NKAIN2: variants seen among roughly 807,000 people sequenced by gnomAD.
NKAIN2 encodes sodium/potassium transporting ATPase interacting 2.
In NKAIN2, 14 loss-of-function variants were observed where a neutral mutation model predicts 32.6. The ratio of observed to expected loss-of-function variants is 0.43; its 90% confidence interval spans 0.28 to 0.67. The LOEUF (loss-of-function observed/expected upper bound fraction) is 0.67. Ranked by LOEUF, NKAIN2 falls within the 30% of genes least tolerant of loss-of-function variation. NKAIN2 has a pLI of 0.17. For missense variants in NKAIN2, 198 were observed against 258.3 expected (o/e 0.77, Z 1.60); for synonymous variants, 80 against 87.2 (o/e 0.92, Z 0.46).
At chr6:124,516,331 A>G (rs1778912907) in intron 3 of NKAIN2, among the ~76,000 whole-genome samples, 1 of 152,172 alleles carries the variant, frequency 6.6e-6, no homozygotes, top group African/African-American at 2.4e-5. Flanking sequence ...AGAACATATC[A>G]ATTAGTATGT....
chr6:124,078,107 T>C (rs1783781943), intron 1 of NKAIN2, among the ~76,000 whole-genome samples: 1 of 152,198 alleles, frequency 6.6e-6, no homozygotes, highest in Middle Eastern at 3.2e-3. Context: ...GTTCATTTAT[T>C]GTCAGGTTTG....
intron 4 of NKAIN2, among the ~76,000 whole-genome samples, chr6:124,784,838 A>G (rs1227326431): frequency 6.6e-6 from 1 of 152,040 alleles, no homozygotes; most frequent in Admixed American, 6.6e-5. Flanking sequence ...GCTGTCCATA[A>G]ATGTTTCCCT....
At chr6:124,134,587 G>A (rs1324239806) in intron 1 of NKAIN2, among the ~76,000 whole-genome samples, 4 of 152,176 alleles carry the variant, frequency 2.6e-5, no homozygotes, top group African/African-American at 2.4e-5. Context: ...GGTAGGCTGA[G>A]GCAGAAGAGT....
At chr6:124,469,242 A>T (rs1378774351) in intron 3 of NKAIN2, among the ~76,000 whole-genome samples, 2 of 152,042 alleles carry the variant, frequency 1.3e-5, no homozygotes, top group Non-Finnish European at 1.5e-5. Context: ...TTTCTTTTTG[A>T]TGGAGCAGTG....
chr6:123,812,719 C>G (rs1452964435), intron 1 of NKAIN2, among the ~76,000 whole-genome samples: 1 of 152,200 alleles, frequency 6.6e-6, no homozygotes, highest in Non-Finnish European at 1.5e-5. Context: ...TCTCAGCCTA[C>G]ATATTTGCCT....
intron 1 of NKAIN2, among the ~76,000 whole-genome samples, chr6:123,962,573 A>G (rs1777894788): frequency 6.6e-6 from 1 of 152,124 alleles, no homozygotes; most frequent in Non-Finnish European, 1.5e-5. Flanking sequence ...CATCTCCTTC[A>G]TTAATGGCTG....
intron 3 of NKAIN2, among the ~76,000 whole-genome samples, chr6:124,607,330 G>A (rs1782538384): frequency 6.6e-6 from 1 of 152,078 alleles, no homozygotes; most frequent in African/African-American, 2.4e-5. Flanking sequence ...AACCAGAAGA[G>A]GTTCAGAGAG....
At chr6:123,814,448 G>A (rs929692628) in intron 1 of NKAIN2, among the ~76,000 whole-genome samples, 2 of 152,248 alleles carry the variant, frequency 1.3e-5, no homozygotes, top group East Asian at 1.9e-4. Flanking sequence ...GGCAAATAGG[G>A]TAAGTTCAGT....
chr6:124,500,265 G>A (rs1445076904), intron 3 of NKAIN2, among the ~76,000 whole-genome samples: 2 of 152,166 alleles, frequency 1.3e-5, no homozygotes, highest in South Asian at 2.1e-4. Context: ...AACTGTTAAT[G>A]TACTGACTTC....
At chr6:124,461,893 A>G (rs1321188237) in intron 3 of NKAIN2, among the ~76,000 whole-genome samples, 4 of 151,124 alleles carry the variant, frequency 2.6e-5, no homozygotes, top group African/African-American at 9.7e-5. Flanking sequence ...TTTTGTTTAG[A>G]TGCTGGTTTG....
intron 1 of NKAIN2, among the ~76,000 whole-genome samples, chr6:124,235,292 A>G (rs985467403): frequency 2.6e-5 from 4 of 152,164 alleles, no homozygotes; most frequent in Non-Finnish European, 5.9e-5. Context: ...TTACCTTCCA[A>G]AAGCTTTACA....
rs59361002 is a variant in NKAIN2, at chr6:124,406,013, G to GGTGTGTGTGTGT, written c.273+50677_273+50688dup. On this transcript the variant is annotated intron_variant, in intron 3 of 6. Coordinates refer to ENST00000368417, the MANE Select transcript of NKAIN2 (RefSeq NM_001040214.3). ...TACCCAATTCATTCATTACCACCACGGTGTGTGTGTGTGTGTGTGTGTAAT... is the reference window on the plus strand; with the variant it reads ...TACCCAATTCATTCATTACCACCACGGTGTGTGTGTGTGTGTGTGTGTGTGTGTGTGTGTAAT... Among the ~76,000 whole-genome samples, 1,439 of 148,530 alleles carry GGTGTGTGTGTGT rather than the reference G, an allele frequency of 9.7e-3. 23 individuals are homozygous for GGTGTGTGTGTGT. Among genetic ancestry groups the GGTGTGTGTGTGT allele is most frequent in the African/African-American group, 0.03 (1,194 of 40,318 alleles).
At chr6:124,376,451 G>A (rs534984074) in intron 3 of NKAIN2, among the ~76,000 whole-genome samples, 22 of 152,238 alleles carry the variant, frequency 1.4e-4, no homozygotes, top group Admixed American at 1.2e-3. Flanking sequence ...CTCATAGTGT[G>A]AAATACATGA....
At chr6:124,579,350 G>A (rs1452274679) in intron 3 of NKAIN2, among the ~76,000 whole-genome samples, 3 of 152,182 alleles carry the variant, frequency 2.0e-5, no homozygotes, top group African/African-American at 7.2e-5. Flanking sequence ...TCAGTGAAAT[G>A]CAAGATAACA....
At chr6:124,070,829 G>A (rs1040522203) in intron 1 of NKAIN2, among the ~76,000 whole-genome samples, 4 of 152,074 alleles carry the variant, frequency 2.6e-5, no homozygotes, top group East Asian at 1.9e-4. Flanking sequence ...GGACCAAGTC[G>A]GAGGCATCAC....
At chr6:124,597,881 A>AAGTGAAGTTATTGT (rs1782152736) in intron 3 of NKAIN2, among the ~76,000 whole-genome samples, 1 of 152,190 alleles carries the variant, frequency 6.6e-6, no homozygotes, top group Non-Finnish European at 1.5e-5. Flanking sequence ...GGTTTTAAAG[A>AAGTGAAGTTATTGT]AGTGAAGTTA....
chr6:124,029,485 G>A (rs1781308351), intron 1 of NKAIN2, among the ~76,000 whole-genome samples: 1 of 151,570 alleles, frequency 6.6e-6, no homozygotes, highest in Non-Finnish European at 1.5e-5. Context: ...ACTTTTCAAA[G>A]TTGTAAATTT....
intron 1 of NKAIN2, among the ~76,000 whole-genome samples, chr6:123,918,526 A>G (rs191840985): frequency 6.6e-6 from 1 of 152,196 alleles, no homozygotes; most frequent in African/African-American, 2.4e-5. Flanking sequence ...GTTGGTGGCT[A>G]CTGTGTTGGT....
chr6:124,165,207 T>C (rs1318646868), intron 1 of NKAIN2, among the ~76,000 whole-genome samples: 3 of 152,066 alleles, frequency 2.0e-5, no homozygotes, highest in Non-Finnish European at 4.4e-5. Context: ...TTTTGAAATA[T>C]GTGAATATGC....
Sources: gnomAD v4.1 joint callset for allele counts (sites outside exome capture counted in the v4.1 genomes callset) on GRCh38, gnomAD v4.1.1 for gene constraint, MANE v1.5 for transcripts, NCBI Gene and HGNC (gene_info 2026-07-23, HGNC 2026-07-21) for gene names.